ARL3: variants seen among roughly 807,000 people sequenced by gnomAD.
ARL3 encodes the protein ADP-ribosylation factor-like protein 3.
A neutral mutation model predicts 26.0 loss-of-function variants in ARL3; 9 were observed. That is an observed-to-expected ratio of 0.35 (90% CI 0.21 to 0.60). The LOEUF is 0.60. Ranked by LOEUF, ARL3 falls within the 20% of genes least tolerant of loss-of-function variation. ARL3 has a pLI of 0.78. For missense variants in ARL3, 158 were observed against 215.7 expected (o/e 0.73, Z 1.67); for synonymous variants, 71 against 78.4 (o/e 0.91, Z 0.50).
intron 5 of ARL3, among the ~76,000 whole-genome samples, chr10:102,677,154 G>T (rs1403525266): frequency 6.6e-6 from 1 of 152,192 alleles, no homozygotes; most frequent in Non-Finnish European, 1.5e-5. Flanking sequence ...ACAAGAGGGC[G>T]ATGGGAGGGG....
At chr10:102,687,070 G>A (rs540821462) in intron 4 of ARL3, among the ~76,000 whole-genome samples, 24 of 150,476 alleles carry the variant, frequency 1.6e-4, no homozygotes, top group Non-Finnish European at 3.3e-4. Flanking sequence ...TAGAGACGGG[G>A]TTTCACCATC....
chr10:102,695,123 C>A (rs772937921), intron 3 of ARL3, among the ~76,000 whole-genome samples: 8 of 152,248 alleles, frequency 5.3e-5, no homozygotes, highest in Non-Finnish European at 8.8e-5. Context: ...AAATCTTTTG[C>A]TTTTCCATAT....
chr10:102,691,068 T>C (rs921212661), intron 3 of ARL3, among the ~76,000 whole-genome samples: 2 of 152,146 alleles, frequency 1.3e-5, no homozygotes, highest in Non-Finnish European at 2.9e-5. Context: ...AGGCAAACTT[T>C]TTCTGTAAGA....
chr10:102,704,019 C>T (rs1322455829), intron 2 of ARL3, among the ~76,000 whole-genome samples: 8 of 151,482 alleles, frequency 5.3e-5, no homozygotes, highest in East Asian at 2.0e-4. Flanking sequence ...GGCGTGGTGG[C>T]GTGCACCTGT....
chr10:102,711,537 G>C (rs1218519566), intron 1 of ARL3, among the ~76,000 whole-genome samples: 1 of 151,882 alleles, frequency 6.6e-6, no homozygotes, highest in Non-Finnish European at 1.5e-5. Flanking sequence ...GGATCACGAG[G>C]TCAGGAGATA....
rs2064127963 is a variant in ARL3, at chr10:102,675,901, G to T, written c.*993C>A. ...AGTGGAGCAGGTTCATGGTAAAGCT[G>T]CATTTATTTCTAAAATCTGATAGCA... On this transcript the variant is annotated 3_prime_UTR_variant, in exon 6 of 6. Coordinates refer to ENST00000260746, the MANE Select transcript of ARL3 (RefSeq NM_004311.4). 2 of 152,588 alleles carry T rather than the reference G, an allele frequency of 1.3e-5. No homozygotes were observed. The highest frequency in any genetic ancestry group is 4.8e-5 in the African/African-American group (2 of 41,424). 9.5% of individuals were successfully genotyped at this position (152,588 alleles called of 1,614,324 possible). A position where few individuals can be genotyped will look rare whatever the true frequency, so the allele number is the denominator to read the frequency against.
In ARL3 at chr10:102,676,275, T is replaced by TC. The variant is rs2064130392; in HGVS notation, c.*618_*619insG. 1 of 152,150 alleles carries TC rather than the reference T, an allele frequency of 6.6e-6. No homozygotes were observed. Among genetic ancestry groups the TC allele is most frequent in the Non-Finnish European group, 1.5e-5 (1 of 67,988 alleles). The allele number at this position is 152,150 out of a possible 1,614,324, so 9.4% of individuals were successfully genotyped here. ...CTGCAAGAAAGACTTTTTTTTTTTT[T>TC]TCTGTCCAAAGAGTGAGGATTACAT... On this transcript the variant is annotated 3_prime_UTR_variant, in exon 6 of 6. Transcript: ENST00000260746.
At chr10:102,708,908 A>ATATATATATATATTTTTTT in intron 1 of ARL3, among the ~76,000 whole-genome samples, 1 of 95,346 alleles carries the variant, frequency 1.0e-5, no homozygotes, top group African/African-American at 4.2e-5. Flanking sequence ...ATATATATAT[A>ATATATATATATATTTTTTT]TTTTTTTTTT....
At chr10:102,677,890 G>A (rs886957916) in intron 5 of ARL3, among the ~76,000 whole-genome samples, 1 of 151,936 alleles carries the variant, frequency 6.6e-6, no homozygotes, top group African/African-American at 2.4e-5. Context: ...AGCCATACTG[G>A]ACATGCCACC....
At chr10:102,698,848 C>A (rs1243723574) in intron 3 of ARL3, among the ~76,000 whole-genome samples, 2 of 152,192 alleles carry the variant, frequency 1.3e-5, no homozygotes, top group African/African-American at 4.8e-5. Context: ...TACCACCTAA[C>A]ATTCCCCATC....
chr10:102,708,038 C>G (rs2064318696), intron 1 of ARL3, among the ~76,000 whole-genome samples: 1 of 152,054 alleles, frequency 6.6e-6, no homozygotes, highest in Non-Finnish European at 1.5e-5. Flanking sequence ...CTCAGCCTCT[C>G]CAGTAGCTGG....
Position 102,674,493 on chromosome 10 carries a change from C to T in ARL3, c.*2401G>A, listed in dbSNP as rs61869169. Reference sequence around the variant, plus strand: ...CCAGGCCTTGCCTGCCCTCCGGCCCCCAGCCCTCTCCCCCGCACATTCAGA... The same window carrying T: ...CCAGGCCTTGCCTGCCCTCCGGCCCTCAGCCCTCTCCCCCGCACATTCAGA... On this transcript the variant is annotated 3_prime_UTR_variant, in exon 6 of 6. Transcript: ENST00000260746. 2,695 of 152,354 alleles carry T rather than the reference C, an allele frequency of 0.018. 47 individuals carry two copies. The highest frequency in any genetic ancestry group is 0.048 in the Middle Eastern group (14 of 292). 9.4% of individuals were successfully genotyped at this position (152,354 alleles called of 1,614,324 possible). A position where few individuals can be genotyped will look rare whatever the true frequency, so the allele number is the denominator to read the frequency against.
intron 1 of ARL3, among the ~76,000 whole-genome samples, chr10:102,707,638 A>G (rs1195102167): frequency 6.6e-6 from 1 of 152,252 alleles, no homozygotes; most frequent in Non-Finnish European, 1.5e-5. Context: ...ATAATTCTCA[A>G]CAACTGCATC....
At chr10:102,708,585 G>A (rs1379054493) in intron 1 of ARL3, among the ~76,000 whole-genome samples, 1 of 151,978 alleles carries the variant, frequency 6.6e-6, no homozygotes, top group African/African-American at 2.4e-5. Flanking sequence ...GGCCGGGTGT[G>A]GTGGCTCACA....
Position 102,681,352 on chromosome 10 carries a change from A to G in ARL3, c.502-4411T>C, listed in dbSNP as rs540188950. 2.7e-5 allele frequency among the ~76,000 whole-genome samples: 4 copies of G among 150,308 alleles called. No homozygotes were observed. The South Asian group carries it at 8.4e-4, about 32-fold the overall frequency. On this transcript the variant is annotated intron_variant, in intron 5 of 5. Coordinates refer to ENST00000260746, the MANE Select transcript of ARL3 (RefSeq NM_004311.4). ...GGTTGCAGTGAGCCAAGGTTGTGCC[A>G]TCGCATTCCAGCCTGGGCAAGAAGA...
At chr10:102,676,980 T>C (rs759659468) in intron 5 of ARL3, 39 bp from the exon 6 acceptor site, 7 of 1,607,440 alleles carry the variant, frequency 4.4e-6, no homozygotes, top group Non-Finnish European at 5.1e-6. Flanking sequence ...GTGTTAGTTA[T>C]AAGAAAAGCA....
intron 1 of ARL3, among the ~76,000 whole-genome samples, chr10:102,713,039 C>A (rs1383759349): frequency 6.6e-6 from 1 of 150,532 alleles, no homozygotes; most frequent in Admixed American, 6.6e-5. Flanking sequence ...GATAATCTGA[C>A]CAAACATACA....
At chr10:102,704,049 G>A (rs2064295404) in intron 2 of ARL3, among the ~76,000 whole-genome samples, 1 of 149,530 alleles carries the variant, frequency 6.7e-6, no homozygotes, top group Admixed American at 6.8e-5. Context: ...TACTTGGGAG[G>A]CTGAGGCAGG....
chr10:102,694,641 C>T (rs1350080477), intron 3 of ARL3, among the ~76,000 whole-genome samples: 1 of 152,038 alleles, frequency 6.6e-6, no homozygotes. Flanking sequence ...GAGAGTGGGC[C>T]ATATTCATGT....
Sources: gnomAD v4.1 joint callset for allele counts (sites outside exome capture counted in the v4.1 genomes callset) on GRCh38, gnomAD v4.1.1 for gene constraint, MANE v1.5 for transcripts, NCBI Gene and HGNC (gene_info 2026-07-23, HGNC 2026-07-21) for gene names.